The following RBFOX1 variants were observed in gnomAD, a reference collection of about 807,000 sequenced individuals.
The protein encoded by RBFOX1 is RNA binding fox-1 homolog 1.
RBFOX1 carries 8 observed loss-of-function variants against 57.7 expected under a neutral mutation model. The ratio of observed to expected loss-of-function variants is 0.14; its 90% confidence interval spans 0.08 to 0.25. The LOEUF is 0.25. Among genes scored for constraint, RBFOX1 ranks in the 10% least tolerant of loss-of-function variants. RBFOX1 has a pLI of 1.00. For missense variants in RBFOX1, 611 were observed against 548.5 expected (o/e 1.11, Z -1.14); for synonymous variants, 326 against 222.4 (o/e 1.47, Z -4.15).
At chr16:6,353,195 C>A (rs1298121019) in intron 2 of RBFOX1, among the ~76,000 whole-genome samples, 1 of 152,122 alleles carries the variant, frequency 6.6e-6, no homozygotes, top group Non-Finnish European at 1.5e-5. Context: ...ATCATCTCCT[C>A]TACCATTGAA....
At chr16:7,256,367 C>G (rs1336354614) in intron 4 of RBFOX1, among the ~76,000 whole-genome samples, 1 of 152,126 alleles carries the variant, frequency 6.6e-6, no homozygotes, top group Non-Finnish European at 1.5e-5. Flanking sequence ...GAGGTTTGGC[C>G]TCAGATTCAT....
rs111625144 is a variant in RBFOX1, at chr16:6,708,990, T to A, written c.-16+54340T>A. ...TTTCAGCAAGCTTTTCTTTTTTTTT[T>A]AATCATTTTTATTCCCTGACTGTGC... On this transcript the variant is annotated intron_variant, in intron 3 of 15. Transcript: ENST00000550418. 9.6e-4 allele frequency among the ~76,000 whole-genome samples: 146 copies of A among 152,010 alleles called. 2 individuals are homozygous for A. The highest frequency in any genetic ancestry group is 1.1e-3 in the Non-Finnish European group (77 of 67,976).
intron 3 of RBFOX1, among the ~76,000 whole-genome samples, chr16:5,653,842 T>A (rs1011977359): frequency 9.2e-5 from 14 of 152,018 alleles, no homozygotes; most frequent in African/African-American, 3.4e-4. Context: ...GGGTCAGGGG[T>A]CCGTGGCAAA....
chr16:7,690,315 T>C (rs372191153), intron 14 of RBFOX1, among the ~76,000 whole-genome samples: 10 of 152,210 alleles, frequency 6.6e-5, no homozygotes, highest in South Asian at 4.1e-4. Context: ...CGTTAGCACA[T>C]TAGAATCACT....
chr16:7,418,345 A>G (rs1165497583), intron 4 of RBFOX1, among the ~76,000 whole-genome samples: 2 of 152,218 alleles, frequency 1.3e-5, no homozygotes, highest in Non-Finnish European at 2.9e-5. Context: ...CACAGGGCAA[A>G]GCATCTCCTG....
intron 3 of RBFOX1, among the ~76,000 whole-genome samples, chr16:6,779,881 A>T (rs1342273920): frequency 1.1e-3 from 17 of 15,480 alleles, no homozygotes; most frequent in African/African-American, 4.5e-3. Context: ...ATATATATTT[A>T]TATATATTTA....
At chr16:5,820,561 C>G (rs1165068707) in intron 3 of RBFOX1, among the ~76,000 whole-genome samples, 1 of 152,122 alleles carries the variant, frequency 6.6e-6, no homozygotes, top group Non-Finnish European at 1.5e-5. Context: ...AATTTCTTCC[C>G]CCACCTGCTT....
chr16:6,895,642 C>G (rs1004907408), intron 3 of RBFOX1, among the ~76,000 whole-genome samples: 1 of 151,294 alleles, frequency 6.6e-6, no homozygotes, highest in Non-Finnish European at 1.5e-5. Context: ...AGATCCTTGA[C>G]AATGCCAATG....
At chr16:5,548,682 A>C (rs1359493581) in intron 2 of RBFOX1, among the ~76,000 whole-genome samples, 1 of 152,184 alleles carries the variant, frequency 6.6e-6, no homozygotes, top group Non-Finnish European at 1.5e-5. Context: ...AAAAAATTTA[A>C]AAAGGAGCAC....
intron 3 of RBFOX1, among the ~76,000 whole-genome samples, chr16:6,745,364 A>C (rs2073334747): frequency 6.6e-6 from 1 of 152,180 alleles, no homozygotes; most frequent in Non-Finnish European, 1.5e-5. Flanking sequence ...CCGAAACCAC[A>C]GACTAGTCTT....
intron 2 of RBFOX1, among the ~76,000 whole-genome samples, chr16:6,454,772 T>C (rs2094719057): frequency 1.3e-5 from 2 of 151,700 alleles, no homozygotes; most frequent in African/African-American, 2.4e-5. Context: ...GGCACACATC[T>C]TCTCTCCCCC....
At chr16:5,761,229 A>G (rs1227465819) in intron 3 of RBFOX1, among the ~76,000 whole-genome samples, 1 of 152,202 alleles carries the variant, frequency 6.6e-6, no homozygotes, top group Non-Finnish European at 1.5e-5. Context: ...CATCTTGTAT[A>G]TTAAGGTGAC....
chr16:7,325,701 TA>T (rs2096602336), intron 4 of RBFOX1, among the ~76,000 whole-genome samples: 1 of 152,196 alleles, frequency 6.6e-6, no homozygotes, highest in Non-Finnish European at 1.5e-5. Flanking sequence ...GTCCACAGTC[TA>T]TGGAAGCTTT....
chr16:7,101,679 G>C (rs1446354705), intron 4 of RBFOX1, among the ~76,000 whole-genome samples: 3 of 152,106 alleles, frequency 2.0e-5, no homozygotes, highest in African/African-American at 7.2e-5. Context: ...GGCATGTTAG[G>C]GTAGGCATTC....
chr16:6,397,258 T>A (rs2092877981), intron 2 of RBFOX1, among the ~76,000 whole-genome samples: 1 of 152,042 alleles, frequency 6.6e-6, no homozygotes, highest in African/African-American at 2.4e-5. Flanking sequence ...GTCACAGTGA[T>A]GAAAATAAAA....
chr16:5,458,546 T>G (rs537726891), intron 1 of RBFOX1, among the ~76,000 whole-genome samples: 1 of 152,348 alleles, frequency 6.6e-6, no homozygotes, highest in African/African-American at 2.4e-5. Flanking sequence ...TTGCCTTACA[T>G]AGGTGAAAAC....
chr16:6,866,778 G>C (rs2060008816), intron 3 of RBFOX1, among the ~76,000 whole-genome samples: 3 of 151,768 alleles, frequency 2.0e-5, no homozygotes, highest in Admixed American at 2.0e-4. Flanking sequence ...TCCTGACCTC[G>C]TGATCTGCCT....
At chr16:7,269,760 T>G (rs972798393) in intron 4 of RBFOX1, among the ~76,000 whole-genome samples, 1 of 152,230 alleles carries the variant, frequency 6.6e-6, no homozygotes, top group Non-Finnish European at 1.5e-5. Flanking sequence ...AATATTTCCT[T>G]GGACTAAATG....
chr16:5,913,742 C>G (rs142495566), intron 4 of RBFOX1, among the ~76,000 whole-genome samples: 2 of 152,326 alleles, frequency 1.3e-5, no homozygotes, highest in East Asian at 1.9e-4. Flanking sequence ...TCCAAACATT[C>G]CAGCAACACA....
Sources: allele counts gnomAD v4.1 joint callset (sites outside exome capture counted in the v4.1 genomes callset), GRCh38; gene constraint gnomAD v4.1.1; transcripts MANE v1.5; gene names NCBI Gene and HGNC (gene_info 2026-07-23, HGNC 2026-07-21).